The following VPS52 variants were observed in gnomAD, a reference collection of about 807,000 sequenced individuals.
VPS52 encodes the protein VPS52 subunit of GARP complex, also known as vacuolar protein sorting-associated protein 52 homolog.
In VPS52, 56 loss-of-function variants were observed where a neutral mutation model predicts 98.7. The ratio of observed to expected loss-of-function variants is 0.57; its 90% CI spans 0.46 to 0.71. The LOEUF (loss-of-function observed/expected upper bound fraction) is 0.71, where lower values mean the gene tolerates loss of function less well. VPS52 is among the 30% of genes least tolerant of loss of function. The pLI is 0.00. For synonymous variants in VPS52, 348 were observed against 346.4 expected (o/e 1.00, Z -0.05); for missense variants, 742 against 925.9 (o/e 0.80, Z 2.58).
In VPS52 at chr6:33,266,729, A is replaced by G; in HGVS notation, c.1126-17T>C. The G allele has an allele frequency of 6.3e-7, 1 of 1,592,926 alleles. No homozygotes were observed. The highest frequency in any genetic ancestry group is 8.5e-7 in the Non-Finnish European group (1 of 1,169,858). On this transcript the variant is annotated splice_polypyrimidine_tract_variant and intron_variant, in intron 11 of 19. Coordinates refer to ENST00000445902, the MANE Select transcript of VPS52 (RefSeq NM_022553.6). ...AAATGGATACTGGGAGAGGAGGAGT[A>G]AAGAAGAAAAACAGAAGGGATGGAC...
intron 17 of VPS52, among the ~76,000 whole-genome samples, chr6:33,257,329 CT>C (rs1763103300): frequency 6.6e-6 from 1 of 152,136 alleles, no homozygotes; most frequent in Admixed American, 6.5e-5. Context: ...GCCACTGCAC[CT>C]GGCCAAAATT....
intron 17 of VPS52, among the ~76,000 whole-genome samples, chr6:33,260,954 G>A (rs761581068): frequency 2.0e-5 from 3 of 151,558 alleles, no homozygotes; most frequent in Non-Finnish European, 4.4e-5. Flanking sequence ...AGCTGACATC[G>A]TATCGCTGCA....
At chr6:33,271,314 A>G in intron 1 of VPS52, 1 of 644,120 alleles carries the variant, frequency 1.6e-6, no homozygotes, top group South Asian at 1.7e-5. Context: ...GTCTGGCTTC[A>G]GAGGCCATGT....
chr6:33,256,245 C>A (rs1762933254), intron 17 of VPS52, among the ~76,000 whole-genome samples: 1 of 151,658 alleles, frequency 6.6e-6, no homozygotes, highest in South Asian at 2.1e-4. Context: ...TGGCTCACAT[C>A]TGTAATCCCA....
At chr6:33,269,354 CA>C in intron 5 of VPS52, 135 bp downstream of exon 5, 2 of 1,434,566 alleles carry the variant, frequency 1.4e-6, no homozygotes, top group Non-Finnish European at 9.7e-7. Flanking sequence ...GCAGTAATAA[CA>C]AAAAAGGCTC....
At chr6:33,269,657 G>A (rs1241897420) in intron 4 of VPS52, 87 bp downstream of exon 4, 10 of 1,569,458 alleles carry the variant, frequency 6.4e-6, no homozygotes, top group Non-Finnish European at 8.7e-6. Context: ...AAACCTCAGA[G>A]ATGTTGACCC....
rs1762158133 is a variant in VPS52 at position 33,250,967 on chromosome 6, G to T, written c.2046C>A (p.Ile682=). 2 of 1,612,952 alleles carry T rather than the reference G, an allele frequency of 1.2e-6. No individual in the cohort carries two copies. Among genetic ancestry groups the T allele is most frequent in the Non-Finnish European group, 1.7e-6 (2 of 1,180,050 alleles). ...SIIQGALTQL[I]QLYHRFHRVL... is the part of the protein sequence containing the mutation. ...CCCGGTGGAAGCGATGATAGAGCTG[G>T]ATCAGCTGGGTCAGCGCTCCCTGGT... The change falls in exon 20 of 20, where the codon ATC becomes ATA. Residue 682 remains isoleucine (I), a synonymous_variant. Coordinates refer to ENST00000445902, the MANE Select transcript of VPS52 (RefSeq NM_022553.6).
rs765039780 is a variant in VPS52, at chr6:33,263,805, G to C, written c.1695C>G (p.Ile565Met). The change falls in exon 16 of 20, where the codon ATC (isoleucine) becomes ATG (methionine). Residue 565 changes from isoleucine to methionine, a missense_variant. Around this residue, in one of 2 missense-constraint regions of VPS52, gnomAD observed 590 missense variants for 793.3 expected, o/e 0.74. Transcript: ENST00000445902. ...CACCCAGCATCATGTCATAGTTGTT[G>C]ATCAGAAACACAAGCTGCTCCTTCC... ...SSRKEQLVFL[I>M]NNYDMMLGVL... 5.0e-6 allele frequency: 8 copies of C among 1,614,200 alleles called. No individual in the cohort carries two copies. Among genetic ancestry groups the C allele is most frequent in the Non-Finnish European group, 4.2e-6 (5 of 1,180,040 alleles).
intron 5 of VPS52, 122 bp downstream of exon 5, chr6:33,269,368 G>T: frequency 6.8e-7 from 1 of 1,463,526 alleles, no homozygotes; most frequent in Non-Finnish European, 9.5e-7. Flanking sequence ...AAAGGCTCCT[G>T]AAGTCATCTT....
At position 33,269,547 on chromosome 6, in the gene VPS52, C is replaced by T; in HGVS notation, c.315G>A (p.Glu105=). ...TGTGTAGAGATGCTATATTCTCACT[C>T]TCTTGAATATCTGATCCACAAAAAG... ...EQKSIRDYIQ[E]SENIASLHNQ... The change falls in exon 5 of 20, where the codon GAG becomes GAA. Residue 105 remains glutamate, a synonymous_variant. Coordinates refer to ENST00000445902, the MANE Select transcript of VPS52 (RefSeq NM_022553.6). 1.9e-6 allele frequency: 3 copies of T among 1,610,118 alleles called. No homozygotes were observed. Among genetic ancestry groups the T allele is most frequent in the East Asian group, 2.2e-5 (1 of 44,876 alleles).
rs180925523 is a variant in VPS52 at position 33,257,462 on chromosome 6, G to C, written c.1795-5491C>G. 7.3e-4 allele frequency among the ~76,000 whole-genome samples: 111 copies of C among 151,128 alleles called. 2 individuals are homozygous for C. The East Asian group carries it at 0.016, about 22-fold the overall frequency. Reference sequence around the variant, plus strand: ...TCACCAGTCTGGAGTGCAGTGGCACGATCTTGGCTCACTGCATCCTCCACC... The same window carrying C: ...TCACCAGTCTGGAGTGCAGTGGCACCATCTTGGCTCACTGCATCCTCCACC... On this transcript the variant is annotated intron_variant, in intron 17 of 19. Coordinates refer to ENST00000445902, the MANE Select transcript of VPS52 (RefSeq NM_022553.6).
intron 5 of VPS52, 86 bp from the exon 6 acceptor site, chr6:33,269,275 T>A: frequency 6.4e-7 from 1 of 1,560,244 alleles, no homozygotes. Flanking sequence ...AAGTCTTCAG[T>A]ATTTATCAGT....
chr6:33,267,086 A>T lies in VPS52; in HGVS notation c.1125+102T>A. ...GCCACTCCCAAGTCTAAGGGGATTAAGACAGGGCCTGCAGGTTGGGAAGCT... is the reference window on the plus strand; with the variant it reads ...GCCACTCCCAAGTCTAAGGGGATTATGACAGGGCCTGCAGGTTGGGAAGCT... On this transcript the variant is annotated intron_variant, in intron 11 of 19. Coordinates refer to ENST00000445902, the MANE Select transcript of VPS52 (RefSeq NM_022553.6). This position sits in a 1 kb window ranked among gnomAD's most constrained non-coding sequence, Gnocchi z 4.2. The T allele has an allele frequency of 7.1e-7, 1 of 1,414,200 alleles. No individual in the cohort carries two copies. The highest frequency in any genetic ancestry group is 1.9e-5 in the South Asian group (1 of 53,636). The allele number at this position is 1,414,200 out of a possible 1,614,324, so 87.6% of individuals were successfully genotyped here.
At chr6:33,265,852 CTG>C (rs9280389) in intron 12 of VPS52, among the ~76,000 whole-genome samples, 50,449 of 151,750 alleles carry the variant, frequency 0.33, 8,933 homozygotes, top group East Asian at 0.6. Flanking sequence ...GGGAGTAACA[CTG>C]TGACAAGTCT....
rs760394050 is a variant in VPS52 at position 33,264,357 on chromosome 6, C to A, written c.1524+17G>T. 4.3e-5 allele frequency: 69 copies of A among 1,613,298 alleles called. No homozygotes were observed. Among genetic ancestry groups the A allele is most frequent in the Non-Finnish European group, 5.5e-5 (65 of 1,179,576 alleles). On this transcript the variant is annotated intron_variant, in intron 14 of 19. Coordinates refer to ENST00000445902, the MANE Select transcript of VPS52 (RefSeq NM_022553.6). ...CCTGCCTTTCAAGAACCCTTTGTTACCCTTGCCCTCCCTCACATAGTGGGG... is the reference window on the plus strand; with the variant it reads ...CCTGCCTTTCAAGAACCCTTTGTTAACCTTGCCCTCCCTCACATAGTGGGG...
intron 16 of VPS52, 100 bp downstream of exon 16, chr6:33,263,672 C>A: frequency 6.3e-7 from 1 of 1,581,030 alleles, no homozygotes; most frequent in South Asian, 1.1e-5. Flanking sequence ...GAGTAAAACA[C>A]TGAACAAGAC....
intron 15 of VPS52, 46 bp downstream of exon 15, chr6:33,263,962 T>C (rs764805606): frequency 6.2e-7 from 1 of 1,613,792 alleles, no homozygotes; most frequent in Non-Finnish European, 8.5e-7. Flanking sequence ...CTCCACCCAC[T>C]GGAAGCAGCC....
chr6:33,258,671 G>A (rs560714020), intron 17 of VPS52, among the ~76,000 whole-genome samples: 66 of 152,096 alleles, frequency 4.3e-4, no homozygotes, highest in African/African-American at 1.6e-3. Context: ...TGCAACCTCC[G>A]CCTCCCAGGT....
At chr6:33,257,665 C>T (rs1407485935) in intron 17 of VPS52, among the ~76,000 whole-genome samples, 1 of 152,192 alleles carries the variant, frequency 6.6e-6, no homozygotes, top group Non-Finnish European at 1.5e-5. Flanking sequence ...TCCCAAAGTA[C>T]TGGGATTACA....
Sources: allele counts gnomAD v4.1 joint callset (sites outside exome capture counted in the v4.1 genomes callset), GRCh38; gene constraint gnomAD v4.1.1; regional missense constraint gnomAD v4.1.1; non-coding constraint Gnocchi (gnomAD v3.1); transcripts MANE v1.5; gene names NCBI Gene and HGNC (gene_info 2026-07-23, HGNC 2026-07-21).